Variants in ARIH2 observed in about 807,000 individuals in gnomAD.
ARIH2 encodes ariadne RBR E3 ubiquitin protein ligase 2.
Under a neutral mutation model 79.8 loss-of-function variants are expected in ARIH2, and 12 were observed. That is an observed-to-expected ratio of 0.15 (90% CI 0.10 to 0.24). The LOEUF (loss-of-function observed/expected upper bound fraction) is 0.24, where lower values mean the gene tolerates loss of function less well. Ranked by LOEUF, ARIH2 falls within the 10% of genes least tolerant of loss-of-function variation. ARIH2 has a pLI of 1.00. For synonymous variants in ARIH2, 224 were observed against 213.9 expected (o/e 1.05, Z -0.41); for missense variants, 301 against 618.3 (o/e 0.49, Z 5.44).
intron 6 of ARIH2, among the ~76,000 whole-genome samples, chr3:48,967,862 T>G (rs949483337): frequency 4.6e-5 from 7 of 152,224 alleles, no homozygotes; most frequent in Non-Finnish European, 8.8e-5. Context: ...GGATAATATT[T>G]TAGTTTCATT....
chr3:48,982,001 G>T (rs1463384225), intron 14 of ARIH2, among the ~76,000 whole-genome samples: 1 of 152,210 alleles, frequency 6.6e-6, no homozygotes, highest in Non-Finnish European at 1.5e-5. Flanking sequence ...CCAGTGGGAG[G>T]CCAGTAGTGC....
intron 3 of ARIH2, among the ~76,000 whole-genome samples, chr3:48,940,574 C>T (rs2087965565): frequency 6.6e-6 from 1 of 151,574 alleles, no homozygotes; most frequent in Admixed American, 6.6e-5. Context: ...ATTTCATGGA[C>T]ATTTATTAGT....
chr3:48,971,012 C>T (rs943545843), intron 8 of ARIH2, among the ~76,000 whole-genome samples: 1 of 152,226 alleles, frequency 6.6e-6, no homozygotes, highest in East Asian at 1.9e-4. Context: ...TCACATATTA[C>T]TGTGTTTGAA....
chr3:48,982,443 A>G (rs963027377), intron 14 of ARIH2, among the ~76,000 whole-genome samples: 3 of 152,136 alleles, frequency 2.0e-5, no homozygotes, highest in Non-Finnish European at 4.4e-5. Context: ...ATTGAGGAAT[A>G]TTTTTGTGCA....
Position 48,983,300 on chromosome 3 carries a change from A to C in ARIH2, c.*30A>C. On this transcript the variant is annotated 3_prime_UTR_variant, in exon 16 of 16. Coordinates refer to ENST00000356401, the MANE Select transcript of ARIH2 (RefSeq NM_006321.4). ...GGATGTGGATGTGCCGGGGTGAGGA[A>C]GATGTGGCTGCAAGGTCTCCCGGCT... 6.2e-7 allele frequency: 1 copy of C among 1,612,184 alleles called. No homozygotes were observed. The highest frequency in any genetic ancestry group is 8.5e-7 in the Non-Finnish European group (1 of 1,178,570).
chr3:48,980,154 C>T (rs1010489634), intron 12 of ARIH2, 199 bp from the exon 13 acceptor site: 1 of 478,410 alleles, frequency 2.1e-6, no homozygotes, highest in East Asian at 3.6e-5. Context: ...AAGGGTAGAG[C>T]GATCTGGCAG....
intron 8 of ARIH2, among the ~76,000 whole-genome samples, chr3:48,971,182 C>G (rs1002662785): frequency 1.3e-5 from 2 of 152,204 alleles, no homozygotes; most frequent in African/African-American, 4.8e-5. Flanking sequence ...TACCAGGTGA[C>G]AGGCACTATC....
At chr3:48,951,686 A>G (rs1040055676) in intron 3 of ARIH2, among the ~76,000 whole-genome samples, 1 of 151,638 alleles carries the variant, frequency 6.6e-6, no homozygotes, top group Non-Finnish European at 1.5e-5. Context: ...AATTTCATTT[A>G]AGATGTCAAT....
intron 3 of ARIH2, among the ~76,000 whole-genome samples, chr3:48,947,154 G>C (rs923799848): frequency 3.9e-5 from 6 of 152,088 alleles, no homozygotes; most frequent in Admixed American, 1.3e-4. Flanking sequence ...AAGAAAGCCA[G>C]AGAAGGCCAG....
chr3:48,920,177 TA>T (rs908581636), intron 1 of ARIH2, among the ~76,000 whole-genome samples: 1 of 151,830 alleles, frequency 6.6e-6, no homozygotes, highest in Non-Finnish European at 1.5e-5. Context: ...TACGTGATCT[TA>T]ATAGGTTGCC....
chr3:48,964,245 G>C (rs1318219095), intron 4 of ARIH2, among the ~76,000 whole-genome samples: 1 of 151,730 alleles, frequency 6.6e-6, no homozygotes, highest in South Asian at 2.1e-4. Flanking sequence ...GACCTCAAGT[G>C]ATTTACCCAC....
At chr3:48,926,277 G>A (rs181728465) in intron 2 of ARIH2, among the ~76,000 whole-genome samples, 50 of 151,430 alleles carry the variant, frequency 3.3e-4, no homozygotes, top group Admixed American at 1.6e-3. Flanking sequence ...ATGTGTGTAC[G>A]TGTGTGTGTG....
Position 48,983,529 on chromosome 3 carries a change from G to A in ARIH2, c.*259G>A. On this transcript the variant is annotated 3_prime_UTR_variant, in exon 16 of 16. Coordinates refer to ENST00000356401, the MANE Select transcript of ARIH2 (RefSeq NM_006321.4). Reference sequence around the variant, plus strand: ...CCCTGGATGGTTGTTGGGAGGGAGGGAAAGTGTTTTCTGAATGGCTATTAA... The same window carrying A: ...CCCTGGATGGTTGTTGGGAGGGAGGAAAAGTGTTTTCTGAATGGCTATTAA... The A allele has an allele frequency of 2.0e-6, 1 of 491,384 alleles. No homozygotes were observed. The highest frequency in any genetic ancestry group is 2.7e-5 in the South Asian group (1 of 37,222). The allele number at this position is 491,384 out of a possible 1,614,324, so 30.4% of individuals were successfully genotyped here.
intron 3 of ARIH2, among the ~76,000 whole-genome samples, chr3:48,959,803 T>C (rs189587739): frequency 3.3e-5 from 5 of 152,330 alleles, no homozygotes; most frequent in Non-Finnish European, 4.4e-5. Context: ...GTACCTGGAC[T>C]GTAGGACAGG....
chr3:48,977,066 A>G (rs549264836), intron 11 of ARIH2, among the ~76,000 whole-genome samples: 9 of 151,910 alleles, frequency 5.9e-5, no homozygotes, highest in Non-Finnish European at 1.0e-4. Context: ...GCCAGGCGCA[A>G]TGGCGCACTC....
intron 3 of ARIH2, among the ~76,000 whole-genome samples, chr3:48,946,562 C>G (rs1241974292): frequency 6.6e-6 from 1 of 151,990 alleles, no homozygotes; most frequent in Non-Finnish European, 1.5e-5. Context: ...GTAGCACATG[C>G]TTCCTGAAAT....
intron 2 of ARIH2, chr3:48,926,675 C>T (rs34509487): frequency 0.076 from 11,557 of 152,194 alleles, 579 homozygotes; most frequent in Non-Finnish European, 0.1. Context: ...CTCAGCGTCC[C>T]GAGTAGCTGG....
chr3:48,934,298 TA>T (rs2086815851), intron 3 of ARIH2: 1 of 744,296 alleles, frequency 1.3e-6, no homozygotes, highest in African/African-American at 1.9e-5. Context: ...AATGCCAAGT[TA>T]AAAGATAACA....
At chr3:48,919,247 C>T in intron 1 of ARIH2, 1 of 1,230,940 alleles carries the variant, frequency 8.1e-7, no homozygotes, top group Non-Finnish European at 1.0e-6. Flanking sequence ...CCGCCTCTGA[C>T]CAACCGGCGC....
Sources: allele counts gnomAD v4.1 joint callset (sites outside exome capture counted in the v4.1 genomes callset), GRCh38; gene constraint gnomAD v4.1.1; transcripts MANE v1.5; gene names NCBI Gene and HGNC (gene_info 2026-07-23, HGNC 2026-07-21).